Variants in PARVB observed in about 807,000 individuals in gnomAD.
PARVB encodes the protein beta-parvin.
PARVB carries 46 observed loss-of-function variants against 47.0 expected under a neutral mutation model. The ratio of observed to expected loss-of-function variants is 0.98; its 90% CI spans 0.77 to 1.25. PARVB has a LOEUF of 1.25. Ranked by LOEUF, PARVB falls within the 50% of genes most tolerant of loss-of-function variation. The pLI, the probability that PARVB is intolerant of heterozygous loss-of-function variation, is 0.00. For missense variants in PARVB, 473 were observed against 471.6 expected (o/e 1.00, Z -0.03); for synonymous variants, 196 against 196.3 (o/e 1.00, Z 0.01).
At position 44,125,882 on chromosome 22, in the gene PARVB, G is replaced by C. The variant is rs905667118; in HGVS notation, c.377-5605G>C. 1.1e-4 allele frequency among the ~76,000 whole-genome samples: 16 copies of C among 152,194 alleles called. No individual in the cohort carries two copies. The highest frequency in any genetic ancestry group is 3.4e-4 in the African/African-American group (14 of 41,440). ...CACCATTGCCATGGCCCAGGCATCTGATGAAGTAGCTCAGCCCCCAGAGTG... is the reference window on the plus strand; with the variant it reads ...CACCATTGCCATGGCCCAGGCATCTCATGAAGTAGCTCAGCCCCCAGAGTG... On this transcript the variant is annotated intron_variant, in intron 4 of 12. Transcript: ENST00000338758. This position sits in a 1 kb window ranked among gnomAD's most constrained non-coding sequence, Gnocchi z 4.1.
chr22:44,054,146 T>A (rs1377629186), intron 1 of PARVB, among the ~76,000 whole-genome samples: 1 of 152,032 alleles, frequency 6.6e-6, no homozygotes, highest in East Asian at 1.9e-4. Flanking sequence ...ACTTACAATC[T>A]GATGAGAGTC....
At chr22:44,077,038 AAGC>A in intron 1 of PARVB, among the ~76,000 whole-genome samples, 1 of 152,266 alleles carries the variant, frequency 6.6e-6, no homozygotes, top group Middle Eastern at 3.4e-3. Context: ...GCCCGGGGCC[AAGC>A]AGCAGGTGCA....
rs929545112 is a variant in PARVB, at chr22:44,103,120, C to G, written c.273+2997C>G. The G allele has an allele frequency of 6.6e-6, 1 of 152,304 alleles. No homozygotes were observed. Among genetic ancestry groups the G allele is most frequent in the Admixed American group, 6.5e-5 (1 of 15,286 alleles). The allele number at this position is 152,304 out of a possible 1,614,324, so 9.4% of individuals were successfully genotyped here. ...CCAAAGACCCCCAGGCTGTTTTGGC[C>G]TTGGTGGGGCGAGGGCTGGCTGCTG... On this transcript the variant is annotated intron_variant, in intron 3 of 12. Transcript: ENST00000338758. The surrounding 1 kb of genome is among the most constrained non-coding windows in gnomAD (Gnocchi z 4.6).
rs2051167067 is a variant in PARVB, at chr22:44,049,323, A to G, written c.112+24872A>G. ...GCGTAGACAATCAGCAAAGCTAGGG[A>G]CCCGTTTTCTCCTCCCAGCCCCCTT... On this transcript the variant is annotated intron_variant, in intron 1 of 12. Transcript: ENST00000338758. This position sits in a 1 kb window ranked among gnomAD's most constrained non-coding sequence, Gnocchi z 4.0. Among the ~76,000 whole-genome samples, 1 of 152,138 alleles carries G rather than the reference A, an allele frequency of 6.6e-6. No homozygotes were observed. The highest frequency in any genetic ancestry group is 6.5e-5 in the Admixed American group (1 of 15,270).
intron 1 of PARVB, among the ~76,000 whole-genome samples, chr22:44,055,678 C>CTCTATATATA (rs1438284048): frequency 1.2e-4 from 17 of 142,760 alleles, no homozygotes; most frequent in African/African-American, 3.4e-4. Context: ...CTCTCTCTCT[C>CTCTATATATA]TATATATATA....
At position 44,100,100 on chromosome 22, in the gene PARVB, C is replaced by A. The variant is rs763749743; in HGVS notation, c.250C>A (p.Pro84Thr). The A allele has an allele frequency of 1.2e-5, 20 of 1,613,818 alleles. No homozygotes were observed. The highest frequency in any genetic ancestry group is 1.6e-5 in the Non-Finnish European group (19 of 1,179,860). The part of the protein sequence containing the change: ...TMIDPTSKED[P>T]KFKELVKVLL... ...GATTGACCCCACTTCCAAGGAAGAC[C>A]CCAAGTTCAAGGAACTGGTCAAGGT... Residue 84 changes from proline to threonine, a missense_variant, in exon 3 of 13, where the codon CCC becomes ACC. Physicochemically the swap from Pro to Thr is conservative, Grantham distance 38 (BLOSUM62 -1). Transcript: ENST00000338758.
In PARVB at chr22:44,095,905, G is replaced by A. The variant is rs549140225; in HGVS notation, c.202+1888G>A. Among the ~76,000 whole-genome samples, 18 of 152,258 alleles carry A rather than the reference G, an allele frequency of 1.2e-4. No homozygotes were observed. The East Asian group carries it at 2.9e-3, about 24-fold the overall frequency. On this transcript the variant is annotated intron_variant, in intron 2 of 12. Coordinates refer to ENST00000338758, the MANE Select transcript of PARVB (RefSeq NM_013327.5). ...TGCCTGAGGTCGCACCAGGGTCCAC[G>A]GGGCTTTCTCTCCCTCCGCTTAGAA...
intron 1 of PARVB, among the ~76,000 whole-genome samples, chr22:44,058,549 ATTTTTTTT>A (rs35947294): frequency 1.1e-4 from 11 of 96,018 alleles, no homozygotes; most frequent in Non-Finnish European, 1.8e-4. Flanking sequence ...GTGGACGTGG[ATTTTTTTT>A]TTTTTTTTTT....
In PARVB at chr22:44,155,245, G is replaced by A. The variant is rs757318094; in HGVS notation, c.844-2737G>A. ...CAGTGTGAGGACTGGGTGAGATGGC[G>A]CACTGAGATCAAGTGGGCAGGGCTC... On this transcript the variant is annotated intron_variant, in intron 10 of 12. Coordinates refer to ENST00000338758, the MANE Select transcript of PARVB (RefSeq NM_013327.5). The surrounding 1 kb of genome is among the most constrained non-coding windows in gnomAD (Gnocchi z 4.8). 2.6e-5 allele frequency among the ~76,000 whole-genome samples: 4 copies of A among 152,154 alleles called. No homozygotes were observed. The highest frequency in any genetic ancestry group is 4.4e-5 in the Non-Finnish European group (3 of 68,028).
At chr22:44,167,763 A>G (rs2054201720) in intron 12 of PARVB, among the ~76,000 whole-genome samples, 1 of 147,106 alleles carries the variant, frequency 6.8e-6, no homozygotes, top group South Asian at 2.2e-4. Flanking sequence ...AAGCCCACCG[A>G]GCTGAGTTCA....
intron 1 of PARVB, among the ~76,000 whole-genome samples, chr22:44,041,509 A>G (rs1020413259): frequency 1.3e-5 from 2 of 152,000 alleles, no homozygotes; most frequent in African/African-American, 2.4e-5. Context: ...AAAATAAAAT[A>G]AAGTTCTTTA....
chr22:44,154,533 G>GT lies in PARVB; in HGVS notation c.843+2982_843+2983insT, dbSNP rs1491356487. On this transcript the variant is annotated intron_variant, in intron 10 of 12. Transcript: ENST00000338758. Reference sequence around the variant, plus strand: ...GTGTGTGTGGTTTATGTAGTCTGGTGGGTGTGTGTGTGTGTGTGTGTGTGG... The same window carrying GT: ...GTGTGTGTGGTTTATGTAGTCTGGTGTGGTGTGTGTGTGTGTGTGTGTGTGG... 2.2e-3 allele frequency among the ~76,000 whole-genome samples: 277 copies of GT among 124,012 alleles called. 1 individual carries two copies. The highest frequency in any genetic ancestry group is 6.8e-3 in the African/African-American group (204 of 29,924). 81.4% of individuals were successfully genotyped at this position (124,012 alleles called of 152,430 possible).
chr22:44,024,966 A>C (rs1181246235), intron 1 of PARVB, among the ~76,000 whole-genome samples: 7 of 152,112 alleles, frequency 4.6e-5, no homozygotes, highest in Non-Finnish European at 1.5e-5. Context: ...TCCCATTAAA[A>C]ATTTTTTTTT....
rs577276873 is a variant in PARVB at position 44,077,054 on chromosome 22, C to T, written c.113-16874C>T. Among the ~76,000 whole-genome samples the T allele has an allele frequency of 6.6e-5, 10 of 152,282 alleles. No homozygotes were observed. In the South Asian group the frequency reaches 1.0e-3, roughly 16 times the overall value. On this transcript the variant is annotated intron_variant, in intron 1 of 12. Transcript: ENST00000338758. ...CCCGGGGCCAAGCAGCAGGTGCAAC[C>T]GGGCCTGCCCTGGGGCAGCATGGGG...
chr22:44,089,301 A>G lies in PARVB; in HGVS notation c.113-4627A>G, dbSNP rs1480056035. 1 of 152,278 alleles carries G rather than the reference A, an allele frequency of 6.6e-6. No homozygotes were observed. The highest frequency in any genetic ancestry group is 2.1e-4 in the South Asian group (1 of 4,830). 9.4% of individuals were successfully genotyped at this position (152,278 alleles called of 1,614,324 possible). A position where few individuals can be genotyped will look rare whatever the true frequency, so the allele number is the denominator to read the frequency against. ...TCTTAGAACAATGCAGACACTTAGG[A>G]AAACAAGCACAAGGCGGTCTTTTTC... On this transcript the variant is annotated intron_variant, in intron 1 of 12. Coordinates refer to ENST00000338758, the MANE Select transcript of PARVB (RefSeq NM_013327.5). This position sits in a 1 kb window ranked among gnomAD's most constrained non-coding sequence, Gnocchi z 4.0.
intron 4 of PARVB, among the ~76,000 whole-genome samples, chr22:44,122,558 GAGAC>G (rs1489501617): frequency 0.016 from 1,368 of 84,524 alleles, 60 homozygotes; most frequent in African/African-American, 0.034. Flanking sequence ...GAGAGACACA[GAGAC>G]AGAGAGAGAG....
intron 1 of PARVB, among the ~76,000 whole-genome samples, chr22:44,064,218 A>G (rs991275483): frequency 1.3e-5 from 2 of 152,194 alleles, no homozygotes; most frequent in Non-Finnish European, 2.9e-5. Context: ...AGCCAGCCGT[A>G]TCACCTGGTT....
At chr22:44,016,230 G>A (rs573543438) in intron 2 of PARVB, among the ~76,000 whole-genome samples, 10 of 151,896 alleles carry the variant, frequency 6.6e-5, no homozygotes, top group Admixed American at 5.2e-4. Flanking sequence ...CCGAGTAGCT[G>A]GGACTACAGG....
intron 1 of PARVB, among the ~76,000 whole-genome samples, chr22:44,040,531 A>AGT (rs2050999978): frequency 6.6e-6 from 1 of 152,116 alleles, no homozygotes; most frequent in Non-Finnish European, 1.5e-5. Context: ...AGAAGTGACC[A>AGT]TGGAGGTGGA....
Sources: allele counts gnomAD v4.1 joint callset (sites outside exome capture counted in the v4.1 genomes callset), GRCh38; gene constraint gnomAD v4.1.1; non-coding constraint Gnocchi (gnomAD v3.1); transcripts MANE v1.5; gene names NCBI Gene and HGNC (gene_info 2026-07-23, HGNC 2026-07-21).